The following TMEM108 variants were observed in gnomAD, a reference collection of about 807,000 sequenced individuals.
TMEM108 encodes the protein cancer/testis antigen 124.
Under a neutral mutation model 35.1 loss-of-function variants are expected in TMEM108, and 12 were observed. The observed-to-expected ratio is 0.34, with a 90% CI of 0.22 to 0.55. The LOEUF is 0.55. Ranked by LOEUF, TMEM108 falls within the 20% of genes least tolerant of loss-of-function variation. The pLI, the probability that TMEM108 is intolerant of heterozygous loss-of-function variation, is 0.89. For missense variants in TMEM108, 680 were observed against 753.3 expected (o/e 0.90, Z 1.14); for synonymous variants, 287 against 308.6 (o/e 0.93, Z 0.73).
intron 2 of TMEM108, among the ~76,000 whole-genome samples, chr3:133,094,236 C>T (rs1359824497): frequency 1.6e-5 from 2 of 126,188 alleles, no homozygotes; most frequent in Non-Finnish European, 3.3e-5. Flanking sequence ...ACCCCCCACC[C>T]CCCCCACACA....
rs66877804 is a variant in TMEM108, at chr3:133,332,082, G to GCACACA, written c.41-47642_41-47637dup. Among the ~76,000 whole-genome samples, 824 of 151,022 alleles carry GCACACA rather than the reference G, an allele frequency of 5.5e-3. 9 individuals are homozygous for GCACACA. Among genetic ancestry groups the GCACACA allele is most frequent in the African/African-American group, 0.018 (762 of 41,314 alleles). ...TGCTTGTGCGCGTGCGTGCGCACGT[G>GCACACA]CACACACACACACACACACACACAC... is the stretch of plus-strand genomic sequence containing the variant. On this transcript the variant is annotated intron_variant, in intron 3 of 5. Transcript: ENST00000321871.
At chr3:133,270,474 T>G (rs1946754573) in intron 3 of TMEM108, among the ~76,000 whole-genome samples, 3 of 152,340 alleles carry the variant, frequency 2.0e-5, no homozygotes, top group Admixed American at 2.0e-4. Flanking sequence ...CTAGGTTGCA[T>G]AGCTGATCTG....
At chr3:133,335,330 T>C (rs191549667) in intron 3 of TMEM108, among the ~76,000 whole-genome samples, 14 of 152,214 alleles carry the variant, frequency 9.2e-5, no homozygotes, top group African/African-American at 3.4e-4. Context: ...AAAACAAATA[T>C]ATTTTTAAAT....
At chr3:133,309,250 C>A (rs1406735455) in intron 3 of TMEM108, among the ~76,000 whole-genome samples, 2 of 152,104 alleles carry the variant, frequency 1.3e-5, no homozygotes, top group Admixed American at 1.3e-4. Context: ...ATTCTTCTCT[C>A]TTTTCTTCTT....
intron 2 of TMEM108, among the ~76,000 whole-genome samples, chr3:133,072,534 A>G (rs1943688329): frequency 6.6e-6 from 1 of 152,128 alleles, no homozygotes; most frequent in Admixed American, 6.5e-5. Flanking sequence ...AATGTAGAAA[A>G]AGGGGAACAC....
At chr3:133,197,202 A>C (rs1245143540) in intron 2 of TMEM108, among the ~76,000 whole-genome samples, 1 of 152,232 alleles carries the variant, frequency 6.6e-6, no homozygotes, top group African/African-American at 2.4e-5. Context: ...CTCTCTGAGG[A>C]ATAGGAAACA....
In TMEM108 at chr3:133,378,398, C is replaced by T. The variant is rs561022007; in HGVS notation, c.41-1354C>T. The T allele has an allele frequency of 2.2e-4, 217 of 985,478 alleles. No individual in the cohort carries two copies. In the African/African-American group the frequency reaches 2.9e-3, roughly 13 times the overall value. 61.0% of individuals were successfully genotyped at this position (985,478 alleles called of 1,614,324 possible). A position where few individuals can be genotyped will look rare whatever the true frequency, so the allele number is the denominator to read the frequency against. On this transcript the variant is annotated intron_variant, in intron 3 of 5. Coordinates refer to ENST00000321871, the MANE Select transcript of TMEM108 (RefSeq NM_023943.4). Reference sequence around the variant, plus strand: ...TCACAGCTGGGGCCCCTGCTTTGGCCGTTTGTCCTGCTGGAATCTGATGGA... The same window carrying T: ...TCACAGCTGGGGCCCCTGCTTTGGCTGTTTGTCCTGCTGGAATCTGATGGA...
intron 2 of TMEM108, among the ~76,000 whole-genome samples, chr3:133,137,093 G>C: frequency 6.6e-6 from 1 of 152,216 alleles, no homozygotes; most frequent in East Asian, 1.9e-4. Context: ...TAGAGACGGT[G>C]TTTATCACTA....
intron 2 of TMEM108, among the ~76,000 whole-genome samples, chr3:133,105,459 C>A (rs1318935390): frequency 6.6e-6 from 1 of 152,184 alleles, no homozygotes; most frequent in East Asian, 1.9e-4. Context: ...CCTTCCTCTT[C>A]TGCTTTTAAG....
intron 2 of TMEM108, among the ~76,000 whole-genome samples, chr3:133,123,663 C>T (rs577289772): frequency 2.0e-5 from 3 of 152,302 alleles, no homozygotes; most frequent in African/African-American, 7.2e-5. Context: ...TGTCCTTGTT[C>T]TTGAGGAGCC....
intron 2 of TMEM108, among the ~76,000 whole-genome samples, chr3:133,100,079 C>T (rs924589648): frequency 2.0e-5 from 3 of 152,200 alleles, no homozygotes; most frequent in Non-Finnish European, 4.4e-5. Context: ...TTTCACATGG[C>T]TGAGAAGGCC....
At chr3:133,040,498 G>C (rs374278150) in intron 1 of TMEM108, among the ~76,000 whole-genome samples, 11 of 152,114 alleles carry the variant, frequency 7.2e-5, no homozygotes, top group South Asian at 4.2e-4. Context: ...CCACCATGCC[G>C]GCCAGAAAAT....
chr3:133,056,896 C>T (rs1377957018), intron 2 of TMEM108, among the ~76,000 whole-genome samples: 2 of 152,286 alleles, frequency 1.3e-5, no homozygotes, highest in Non-Finnish European at 2.9e-5. Context: ...TCGTGAACGT[C>T]GAATGCTCTG....
At chr3:133,159,183 G>GCT (rs1321807004) in intron 2 of TMEM108, among the ~76,000 whole-genome samples, 4 of 152,192 alleles carry the variant, frequency 2.6e-5, no homozygotes, top group Non-Finnish European at 5.9e-5. Flanking sequence ...TAGGCGAGCT[G>GCT]CTCTGTGTGT....
At chr3:133,081,922 T>C (rs1044027075) in intron 2 of TMEM108, among the ~76,000 whole-genome samples, 2 of 152,116 alleles carry the variant, frequency 1.3e-5, no homozygotes, top group African/African-American at 2.4e-5. Flanking sequence ...GGAGTCCCCA[T>C]TGGTTGGGAG....
At chr3:133,390,356 G>GC (rs751854846) in intron 5 of TMEM108, 22 bp downstream of exon 5, 2 of 1,612,470 alleles carry the variant, frequency 1.2e-6, no homozygotes, top group Non-Finnish European at 1.7e-6. Context: ...GAAAGTGCTG[G>GC]CCCCACTGCA....
At chr3:133,338,146 AG>A (rs2071553650) in intron 3 of TMEM108, among the ~76,000 whole-genome samples, 1 of 152,184 alleles carries the variant, frequency 6.6e-6, no homozygotes, top group Non-Finnish European at 1.5e-5. Flanking sequence ...GTTTATTGAA[AG>A]GGATAATAAC....
At chr3:133,309,827 A>C (rs1270350247) in intron 3 of TMEM108, among the ~76,000 whole-genome samples, 2 of 149,810 alleles carry the variant, frequency 1.3e-5, no homozygotes, top group African/African-American at 2.5e-5. Context: ...CAGCCTCCCA[A>C]GTAGCTGGGA....
intron 2 of TMEM108, among the ~76,000 whole-genome samples, chr3:133,105,888 C>T (rs138600358): frequency 0.016 from 2,501 of 152,200 alleles, 83 homozygotes; most frequent in African/African-American, 0.058. Context: ...AGCCTGTGTA[C>T]CCCATGGGCA....
Sources: allele counts gnomAD v4.1 joint callset (sites outside exome capture counted in the v4.1 genomes callset), GRCh38; gene constraint gnomAD v4.1.1; transcripts MANE v1.5; gene names NCBI Gene and HGNC (gene_info 2026-07-23, HGNC 2026-07-21).